The following C16orf95 variants were observed in gnomAD, a reference collection of about 807,000 sequenced individuals.
C16orf95 encodes the protein chromosome 16 open reading frame 95.
Under a neutral mutation model 32.1 loss-of-function variants are expected in C16orf95, and 41 were observed. The observed-to-expected ratio is 1.28, with a 90% confidence interval of 1.00 to 1.66. C16orf95 has a LOEUF of 1.66. C16orf95 is among the 40% of genes most tolerant of loss of function. C16orf95 has a pLI of 0.00. For missense variants in C16orf95, 399 were observed against 325.9 expected (o/e 1.22, Z -1.73); for synonymous variants, 147 against 128.9 (o/e 1.14, Z -0.95).
At chr16:87,315,710 C>T in intron 2 of C16orf95, 62 bp downstream of exon 2, 1 of 1,292,012 alleles carries the variant, frequency 7.7e-7, no homozygotes, top group South Asian at 1.5e-5. Context: ...ATTCCCTGCT[C>T]TCCTCACCCC....
chr16:87,310,367 TG>T, intron 4 of C16orf95, 34 bp from the exon 5 acceptor site: 1 of 1,535,618 alleles, frequency 6.5e-7, no homozygotes, highest in Non-Finnish European at 8.7e-7. Flanking sequence ...GCAGTCAGCC[TG>T]GCGACCCTCC....
At chr16:87,303,304 G>T (rs1910850395) in intron 6 of C16orf95, 3 of 538,066 alleles carry the variant, frequency 5.6e-6, no homozygotes, top group Non-Finnish European at 1.0e-5. Flanking sequence ...CCACCTGAGT[G>T]CCCACTCCTT....
intron 3 of C16orf95, among the ~76,000 whole-genome samples, chr16:87,311,907 G>C (rs550937634): frequency 6.6e-6 from 1 of 152,214 alleles, no homozygotes; most frequent in Non-Finnish European, 1.5e-5. Context: ...ACAGGGTATA[G>C]GCAGCCTTGG....
intron 3 of C16orf95, among the ~76,000 whole-genome samples, chr16:87,313,197 A>T (rs1911362136): frequency 6.6e-6 from 1 of 151,962 alleles, no homozygotes; most frequent in Non-Finnish European, 1.5e-5. Context: ...GGAAATTAAA[A>T]AAAAAAAAAG....
rs1192470117 is a variant in C16orf95, at chr16:87,317,011, T to C, written c.152+80A>G. The C allele has an allele frequency of 1.8e-5, 26 of 1,430,944 alleles. No individual in the cohort carries two copies. In the South Asian group the frequency reaches 2.2e-4, roughly 12 times the overall value. 88.6% of individuals were successfully genotyped at this position (1,430,944 alleles called of 1,614,324 possible). ...GGCGGTCAAGAGTTCTGCCTGTGCATAGGTCATGGAGCAATGCCGGGCCGG... is the reference window on the plus strand; with the variant it reads ...GGCGGTCAAGAGTTCTGCCTGTGCACAGGTCATGGAGCAATGCCGGGCCGG... On this transcript the variant is annotated intron_variant, in intron 1 of 6. Transcript: ENST00000567970.
At chr16:87,315,413 C>T (rs1001022069) in intron 2 of C16orf95, among the ~76,000 whole-genome samples, 5 of 152,218 alleles carry the variant, frequency 3.3e-5, no homozygotes, top group Non-Finnish European at 7.3e-5. Context: ...AGCTTATGCG[C>T]ACATGAGTGC....
At chr16:87,313,006 T>C (rs183146122) in intron 3 of C16orf95, among the ~76,000 whole-genome samples, 2 of 152,292 alleles carry the variant, frequency 1.3e-5, no homozygotes, top group Admixed American at 6.5e-5. Context: ...AAAATATTTA[T>C]GGGAAATATT....
At position 87,311,165 on chromosome 16, in the gene C16orf95, C is replaced by G. The variant is rs1032851875; in HGVS notation, c.462G>C (p.Leu154=). 6.5e-7 allele frequency: 1 copy of G among 1,532,330 alleles called. No individual in the cohort carries two copies. The allele number at this position is 1,532,330 out of a possible 1,614,324, so 94.9% of individuals were successfully genotyped here. A position where few individuals can be genotyped will look rare whatever the true frequency, so the allele number is the denominator to read the frequency against. Residue 154 remains leucine, a synonymous_variant, in exon 4 of 7, where the codon CTG becomes CTC. Coordinates refer to ENST00000567970, the MANE Select transcript of C16orf95 (RefSeq NM_001195124.3). ...TCCTCCTTACCTGCTGCTGAGACCT[C>G]AGGACCTGGGGCACCCAGTAGGGCA... The part of the protein sequence containing the change: ...AVMPYWVPQV[L]RSQQQIVRRQ...
In C16orf95 at chr16:87,315,746, A is replaced by G. The variant is rs1904317142; in HGVS notation, c.204+26T>C. 5 of 1,516,014 alleles carry G rather than the reference A, an allele frequency of 3.3e-6. No homozygotes were observed. In the South Asian group the frequency reaches 4.9e-5, roughly 15 times the overall value. 93.9% of individuals were successfully genotyped at this position (1,516,014 alleles called of 1,614,324 possible). A position where few individuals can be genotyped will look rare whatever the true frequency, so the allele number is the denominator to read the frequency against. On this transcript the variant is annotated intron_variant, in intron 2 of 6. Coordinates refer to ENST00000567970, the MANE Select transcript of C16orf95 (RefSeq NM_001195124.3). ...ACAGGGATATGTTGGGGTCAGGGCC[A>G]GTGGCTGAGGATTTGCTTTCCTTAC... is the stretch of plus-strand genomic sequence containing the variant.
At chr16:87,308,865 C>T (rs951636249) in intron 5 of C16orf95, among the ~76,000 whole-genome samples, 1 of 152,210 alleles carries the variant, frequency 6.6e-6, no homozygotes, top group African/African-American at 2.4e-5. Flanking sequence ...TTTGATTTTG[C>T]AGTCAGAATT....
At chr16:87,315,846 C>T (rs774579955) in intron 1 of C16orf95, 23 bp from the exon 2 acceptor site, 66 of 1,520,466 alleles carry the variant, frequency 4.3e-5, no homozygotes, top group Admixed American at 1.8e-4. Context: ...AACAGAAAAG[C>T]TTAGGGTTTG....
In C16orf95 at chr16:87,310,303, T is replaced by A; in HGVS notation, c.508A>T (p.Ile170Phe). 1 of 1,536,130 alleles carries A rather than the reference T, an allele frequency of 6.5e-7. No individual in the cohort carries two copies. Among genetic ancestry groups the A allele is most frequent in the South Asian group, 1.2e-5 (1 of 84,056 alleles). ...ACACACACACTGGAGTTACCTTGGA[T>A]GCCTTTCAAACTCTGCTGCCTCCTG... The part of the protein sequence containing the change: ...IVRRQQSLKG[I>F]QAPLLDACCW... Residue 170 changes from isoleucine to phenylalanine, a missense_variant, in exon 5 of 7, where the codon ATC becomes TTC. By Grantham distance (21) the Ile-to-Phe change is conservative. Transcript: ENST00000567970.
rs1910959506 is a variant in C16orf95 at position 87,305,228 on chromosome 16, G to A, written c.701+491C>T. 2.0e-5 allele frequency among the ~76,000 whole-genome samples: 3 copies of A among 152,158 alleles called. No individual in the cohort carries two copies. The highest frequency in any genetic ancestry group is 2.0e-4 in the Admixed American group (3 of 15,284). Reference sequence around the variant, plus strand: ...AAGGGTGCCAGGGGCGAAACTCGAAGCCTGGGCGAGGATAGGGACTAGAGA... The same window carrying A: ...AAGGGTGCCAGGGGCGAAACTCGAAACCTGGGCGAGGATAGGGACTAGAGA... On this transcript the variant is annotated intron_variant, in intron 6 of 6. Coordinates refer to ENST00000567970, the MANE Select transcript of C16orf95 (RefSeq NM_001195124.3). The surrounding 1 kb of genome is among the most constrained non-coding windows in gnomAD (Gnocchi z 4.2).
chr16:87,315,384 C>A (rs1264232339), intron 2 of C16orf95, among the ~76,000 whole-genome samples: 1 of 152,212 alleles, frequency 6.6e-6, no homozygotes, highest in East Asian at 1.9e-4. Flanking sequence ...TGAAAATGGG[C>A]ATGTACAAGC....
At chr16:87,308,875 T>C (rs1307839894) in intron 5 of C16orf95, among the ~76,000 whole-genome samples, 1 of 152,242 alleles carries the variant, frequency 6.6e-6, no homozygotes, top group Admixed American at 6.5e-5. Context: ...CAGTCAGAAT[T>C]GTGTAAGCTG....
chr16:87,305,984 C>G lies in C16orf95; in HGVS notation c.515-79G>C. On this transcript the variant is annotated intron_variant, in intron 5 of 6. Transcript: ENST00000567970. This position sits in a 1 kb window ranked among gnomAD's most constrained non-coding sequence, Gnocchi z 4.2. ...AGCCACGAGGAGGCTGCAACACCAG[C>G]CCCAGAGCCTCCGGGAAATGGGGAC... is the stretch of plus-strand genomic sequence containing the variant. The G allele has an allele frequency of 8.8e-7, 1 of 1,141,292 alleles. No homozygotes were observed. Among genetic ancestry groups the G allele is most frequent in the Non-Finnish European group, 1.1e-6 (1 of 869,934 alleles). 70.7% of individuals were successfully genotyped at this position (1,141,292 alleles called of 1,614,324 possible). A position where few individuals can be genotyped will look rare whatever the true frequency, so the allele number is the denominator to read the frequency against.
chr16:87,303,220 G>C, intron 6 of C16orf95, 145 bp from the exon 7 acceptor site: 1 of 792,194 alleles, frequency 1.3e-6, no homozygotes, highest in Non-Finnish European at 2.1e-6. Context: ...AGGCAGGGAA[G>C]GGGTGCAGGG....
chr16:87,314,648 C>G (rs893873122), intron 3 of C16orf95, among the ~76,000 whole-genome samples: 2 of 152,126 alleles, frequency 1.3e-5, no homozygotes, highest in Non-Finnish European at 2.9e-5. Flanking sequence ...ATTTGACACA[C>G]GTGCAGTTTA....
chr16:87,305,939 G>GT lies in C16orf95; in HGVS notation c.515-35dup. ...AGAAAAGGTGGGTTGAGGACAGGGCGTGTTCTCCGGGACTCTGTGAGCCAC... is the reference window on the plus strand; with the variant it reads ...AGAAAAGGTGGGTTGAGGACAGGGCGTTGTTCTCCGGGACTCTGTGAGCCAC... On this transcript the variant is annotated intron_variant, in intron 5 of 6. Coordinates refer to ENST00000567970, the MANE Select transcript of C16orf95 (RefSeq NM_001195124.3). The surrounding 1 kb of genome is among the most constrained non-coding windows in gnomAD (Gnocchi z 4.2). 1 of 1,381,088 alleles carries GT rather than the reference G, an allele frequency of 7.2e-7. No homozygotes were observed. 85.6% of individuals were successfully genotyped at this position (1,381,088 alleles called of 1,614,324 possible). A position where few individuals can be genotyped will look rare whatever the true frequency, so the allele number is the denominator to read the frequency against.
Sources: gnomAD v4.1 joint callset for allele counts (sites outside exome capture counted in the v4.1 genomes callset) on GRCh38, gnomAD v4.1.1 for gene constraint, Gnocchi (gnomAD v3.1) non-coding constraint, MANE v1.5 for transcripts, NCBI Gene and HGNC (gene_info 2026-07-23, HGNC 2026-07-21) for gene names.